The following SHISA9 variants were observed in gnomAD, a reference collection of about 807,000 sequenced individuals.
SHISA9 encodes the protein shisa family member 9, also known as protein shisa-9.
Under a neutral mutation model 38.0 loss-of-function variants are expected in SHISA9, and 13 were observed. The ratio of observed to expected loss-of-function variants is 0.34; its 90% confidence interval spans 0.22 to 0.54. The LOEUF is 0.54. Ranked by LOEUF, SHISA9 falls within the 20% of genes least tolerant of loss-of-function variation. SHISA9 has a pLI of 0.91. For synonymous variants in SHISA9, 275 were observed against 242.0 expected, an observed-to-expected ratio of 1.14 and a Z score of -1.27; for missense variants, 538 against 575.8, an observed-to-expected ratio of 0.93 and a Z score of 0.67.
the SHISA9 span, among the ~76,000 whole-genome samples, chr16:13,480,361 C>G: frequency 6.6e-6 from 1 of 152,126 alleles, no homozygotes; most frequent in Non-Finnish European, 1.5e-5. Context: ...CTGGTCAAAA[C>G]CAGGACCACT....
chr16:13,532,464 C>G, the SHISA9 span, among the ~76,000 whole-genome samples: 1 of 152,088 alleles, frequency 6.6e-6, no homozygotes, highest in South Asian at 2.1e-4. Flanking sequence ...GGGCTTGAAT[C>G]CAAGCTGCTG....
chr16:13,216,202 AAAAAGAGAG>A (rs1219093721), intron 4 of SHISA9, among the ~76,000 whole-genome samples: 2 of 142,026 alleles, frequency 1.4e-5, no homozygotes, highest in Non-Finnish European at 3.0e-5. Context: ...AAAAAAAAAA[AAAAAGAGAG>A]AGACAATTTG....
chr16:12,941,357 AT>A (rs1159632964), intron 2 of SHISA9, among the ~76,000 whole-genome samples: 2 of 150,154 alleles, frequency 1.3e-5, no homozygotes, highest in South Asian at 2.1e-4. Flanking sequence ...TCTAAAAAAA[AT>A]AATTTAATTG....
At chr16:13,125,351 T>G (rs1212668504) in intron 2 of SHISA9, among the ~76,000 whole-genome samples, 1 of 152,202 alleles carries the variant, frequency 6.6e-6, no homozygotes, top group Non-Finnish European at 1.5e-5. Flanking sequence ...ACTTCCCTAA[T>G]GGGATGAGGT....
At chr16:13,122,338 A>G (rs1480586652) in intron 2 of SHISA9, among the ~76,000 whole-genome samples, 4 of 152,116 alleles carry the variant, frequency 2.6e-5, no homozygotes, top group East Asian at 3.9e-4. Context: ...GCCACCAACA[A>G]TTGTTCCTGC....
chr16:12,953,817 C>T (rs1239771016), intron 2 of SHISA9, among the ~76,000 whole-genome samples: 2 of 152,100 alleles, frequency 1.3e-5, no homozygotes, highest in South Asian at 2.1e-4. Context: ...AACTTACAAT[C>T]GTGGTGGAAG....
chr16:12,956,579 T>A (rs564110277), intron 2 of SHISA9, among the ~76,000 whole-genome samples: 17 of 152,134 alleles, frequency 1.1e-4, no homozygotes, highest in Non-Finnish European at 2.1e-4. Flanking sequence ...TGCAGCAACA[T>A]GTATGCAGCT....
chr16:13,234,893 G>T (rs2051366013), intron 4 of SHISA9, 137 bp from the exon 5 acceptor site: 2 of 984,866 alleles, frequency 2.0e-6, no homozygotes, highest in African/African-American at 3.3e-5. Context: ...GGAGTTTCTA[G>T]TGTGTCTTGT....
chr16:13,109,934 G>T (rs1233523438), intron 2 of SHISA9, among the ~76,000 whole-genome samples: 2 of 152,152 alleles, frequency 1.3e-5, no homozygotes, highest in African/African-American at 4.8e-5. Context: ...TTAATGCTGA[G>T]ATATTATGAG....
At chr16:13,421,336 T>C in the SHISA9 span, among the ~76,000 whole-genome samples, 2 of 152,298 alleles carry the variant, frequency 1.3e-5, no homozygotes, top group Admixed American at 6.5e-5. Context: ...GTAATTGGAC[T>C]TACATTTCCA....
At chr16:13,163,467 TCTG>T (rs1228195854) in intron 2 of SHISA9, among the ~76,000 whole-genome samples, 2 of 152,194 alleles carry the variant, frequency 1.3e-5, no homozygotes, top group Non-Finnish European at 2.9e-5. Context: ...GTTTAATAAA[TCTG>T]CTGTTATTTT....
chr16:13,363,940 T>C, the SHISA9 span, among the ~76,000 whole-genome samples: 348 of 152,328 alleles, frequency 2.3e-3, no homozygotes, highest in African/African-American at 7.9e-3. Context: ...CCAGACCTGC[T>C]GGATCAGAAA....
At chr16:12,923,702 G>A (rs530597367) in intron 2 of SHISA9, among the ~76,000 whole-genome samples, 11 of 152,014 alleles carry the variant, frequency 7.2e-5, no homozygotes, top group African/African-American at 1.2e-4. Context: ...TTAGCTGGGC[G>A]TGGTGGTGGG....
At chr16:13,503,533 G>A in the SHISA9 span, among the ~76,000 whole-genome samples, 1 of 152,124 alleles carries the variant, frequency 6.6e-6, no homozygotes, top group East Asian at 1.9e-4. Context: ...CAGCATGGCA[G>A]CTGGATTCTA....
At chr16:13,080,964 T>A (rs376697715) in intron 2 of SHISA9, among the ~76,000 whole-genome samples, 1 of 152,152 alleles carries the variant, frequency 6.6e-6, no homozygotes, top group African/African-American at 2.4e-5. Context: ...AGAGGTAATC[T>A]CTCTCATGTC....
At chr16:13,540,193 C>CCACACA in the SHISA9 span, among the ~76,000 whole-genome samples, 40 of 149,742 alleles carry the variant, frequency 2.7e-4, no homozygotes, top group East Asian at 2.8e-3. Context: ...GCATACATGC[C>CCACACA]CACACACACA....
At chr16:13,347,943 T>C in the SHISA9 span, among the ~76,000 whole-genome samples, 3 of 152,194 alleles carry the variant, frequency 2.0e-5, no homozygotes, top group African/African-American at 7.2e-5. Context: ...AGATTGCTAA[T>C]CAGCTGACCT....
intron 4 of SHISA9, among the ~76,000 whole-genome samples, chr16:13,227,002 A>G (rs759526425): frequency 1.4e-4 from 21 of 152,222 alleles, no homozygotes; most frequent in Admixed American, 3.9e-4. Flanking sequence ...TTCTTGGAAT[A>G]TGCCACATAT....
chr16:12,977,457 C>T (rs533952241), intron 2 of SHISA9, among the ~76,000 whole-genome samples: 3 of 152,224 alleles, frequency 2.0e-5, no homozygotes, highest in African/African-American at 7.2e-5. Flanking sequence ...CCAGCAATCC[C>T]ATTACTGGGT....
Sources: gnomAD v4.1 joint callset for allele counts (sites outside exome capture counted in the v4.1 genomes callset) on GRCh38, gnomAD v4.1.1 for gene constraint, MANE v1.5 for transcripts, NCBI Gene and HGNC (gene_info 2026-07-23, HGNC 2026-07-21) for gene names.